The following HLCS variants were observed in gnomAD, a reference collection of about 807,000 sequenced individuals.
HLCS encodes the protein holocarboxylase synthetase, also known as biotin--protein ligase.
In HLCS, 53 loss-of-function variants were observed where a neutral mutation model predicts 75.0. The ratio of observed to expected loss-of-function variants is 0.71; its 90% CI spans 0.57 to 0.89. The LOEUF (loss-of-function observed/expected upper bound fraction) is 0.89. HLCS is among the 40% of genes least tolerant of loss of function. The pLI, the probability that HLCS is intolerant of heterozygous loss-of-function variation, is 0.00. For synonymous variants in HLCS, 431 were observed against 428.6 expected (o/e 1.01, Z -0.07); for missense variants, 966 against 1,074.0 (o/e 0.90, Z 1.41).
At chr21:36,829,690 C>T (rs770673772) in intron 6 of HLCS, among the ~76,000 whole-genome samples, 78 of 152,274 alleles carry the variant, frequency 5.1e-4, no homozygotes, top group Non-Finnish European at 8.5e-4. Flanking sequence ...TGTCTCCTCC[C>T]TCATGTAATT....
intron 6 of HLCS, among the ~76,000 whole-genome samples, chr21:36,865,288 T>G (rs984424757): frequency 2.0e-5 from 3 of 152,122 alleles, no homozygotes; most frequent in Non-Finnish European, 2.9e-5. Flanking sequence ...GGAATGGCTC[T>G]GAGGCAGGTT....
intron 4 of HLCS, among the ~76,000 whole-genome samples, chr21:36,934,944 C>T (rs1398969684): frequency 6.6e-6 from 1 of 152,162 alleles, no homozygotes; most frequent in Non-Finnish European, 1.5e-5. Context: ...TGTGAAGCTG[C>T]ATCATATTGC....
chr21:36,971,004 A>G (rs946458894), upstream of HLCS, among the ~76,000 whole-genome samples: 4 of 133,216 alleles, frequency 3.0e-5, no homozygotes, highest in Middle Eastern at 3.6e-3. Flanking sequence ...AAAAAAAAAA[A>G]AAGAAAGAAA....
rs551471148 is a variant in HLCS at position 36,864,407 on chromosome 21, A to G, written c.1892+32453T>C. 8.4e-4 allele frequency among the ~76,000 whole-genome samples: 128 copies of G among 152,246 alleles called. 1 individual carries two copies. Among genetic ancestry groups the G allele is most frequent in the Non-Finnish European group, 1.5e-3 (103 of 68,016 alleles). ...AAAGACTACGTCTCAAAAAAAAAAAAAAGTACATGAACAAACATTTCCTTT... is the reference window on the plus strand; with the variant it reads ...AAAGACTACGTCTCAAAAAAAAAAAGAAGTACATGAACAAACATTTCCTTT... On this transcript the variant is annotated intron_variant, in intron 6 of 10. Coordinates refer to ENST00000674895, the MANE Select transcript of HLCS (RefSeq NM_001352514.2).
chr21:36,941,426 G>A (rs906561008), intron 2 of HLCS, among the ~76,000 whole-genome samples: 1 of 152,178 alleles, frequency 6.6e-6, no homozygotes, highest in East Asian at 1.9e-4. Flanking sequence ...TGTGAAAACA[G>A]ACTAACACAT....
At chr21:36,947,356 G>A in intron 2 of HLCS, 1 of 985,400 alleles carries the variant, frequency 1.0e-6, no homozygotes, top group Non-Finnish European at 1.2e-6. Flanking sequence ...CGTTTTCTAG[G>A]AGCGTGGTCC....
At chr21:36,918,267 T>C (rs894503887) in intron 5 of HLCS, among the ~76,000 whole-genome samples, 9 of 152,224 alleles carry the variant, frequency 5.9e-5, no homozygotes, top group African/African-American at 2.2e-4. Flanking sequence ...CAACCATTCA[T>C]TCAGAGAACA....
intron 6 of HLCS, among the ~76,000 whole-genome samples, chr21:36,875,803 G>A (rs932138443): frequency 6.6e-5 from 10 of 152,040 alleles, no homozygotes; most frequent in South Asian, 2.1e-4. Context: ...CAGGGGCAAC[G>A]TCCCCCTGCT....
At chr21:36,763,636 A>G (rs1015280924) in intron 8 of HLCS, among the ~76,000 whole-genome samples, 2 of 152,234 alleles carry the variant, frequency 1.3e-5, no homozygotes, top group Admixed American at 1.3e-4. Flanking sequence ...CGCTCTTAAC[A>G]TCTTGCTTCA....
chr21:36,764,911 G>T, intron 8 of HLCS, 101 bp downstream of exon 8: 1 of 1,304,892 alleles, frequency 7.7e-7, no homozygotes, highest in Non-Finnish European at 1.1e-6. Context: ...GGTAGGCTGA[G>T]GTTCTACAGC....
intron 1 of HLCS, among the ~76,000 whole-genome samples, chr21:36,988,411 T>C (rs2146753583): frequency 6.6e-6 from 1 of 152,322 alleles, no homozygotes; most frequent in Non-Finnish European, 1.5e-5. Flanking sequence ...TTTTTATACG[T>C]GCATTGTGTG....
At position 36,756,636 on chromosome 21, in the gene HLCS, T is replaced by C; in HGVS notation, c.2356A>G (p.Arg786Gly). Residue 786 changes from arginine (R) to glycine (G), a missense_variant, in exon 10 of 11, where the codon AGA (arginine) becomes GGA (glycine). Transcript: ENST00000674895. ...AGTTTCTCCAGCACAGTCACGACTC[T>C]GGCGATGAGATAATCGGCTCTTAAG... ...KPLRADYLIA[R>G]VVTVLEKLIK... 1 of 1,614,200 alleles carries C rather than the reference T, an allele frequency of 6.2e-7. No homozygotes were observed. Among genetic ancestry groups the C allele is most frequent in the Non-Finnish European group, 8.5e-7 (1 of 1,180,040 alleles).
chr21:36,792,220 C>A (rs1007517969), intron 6 of HLCS, among the ~76,000 whole-genome samples: 2 of 152,142 alleles, frequency 1.3e-5, no homozygotes, highest in Non-Finnish European at 2.9e-5. Flanking sequence ...ACCCCGCAGG[C>A]TCCCAGCGCT....
intron 6 of HLCS, among the ~76,000 whole-genome samples, chr21:36,829,320 C>A (rs1312056365): frequency 6.6e-6 from 1 of 152,166 alleles, no homozygotes; most frequent in Non-Finnish European, 1.5e-5. Context: ...CCTCTGTCAC[C>A]CTTTACCTTG....
chr21:36,827,797 A>G (rs938185385), intron 6 of HLCS, among the ~76,000 whole-genome samples: 2 of 147,550 alleles, frequency 1.4e-5, no homozygotes, highest in African/African-American at 2.5e-5. Flanking sequence ...AGTGGTAAGT[A>G]TTTTTCTTTT....
chr21:36,919,155 T>C (rs981246192), intron 5 of HLCS, among the ~76,000 whole-genome samples: 4 of 152,144 alleles, frequency 2.6e-5, no homozygotes, highest in Admixed American at 2.6e-4. Flanking sequence ...TAGAAAGAAG[T>C]GAAATAAGAT....
At chr21:36,880,378 AAAAACAAAAC>A (rs1295277169) in intron 6 of HLCS, among the ~76,000 whole-genome samples, 3 of 152,186 alleles carry the variant, frequency 2.0e-5, no homozygotes, top group South Asian at 2.1e-4. Flanking sequence ...AATTGAGCTA[AAAAACAAAAC>A]AAAACAAAAC....
intron 6 of HLCS, among the ~76,000 whole-genome samples, chr21:36,819,299 G>A (rs1216575939): frequency 6.6e-6 from 1 of 152,212 alleles, no homozygotes; most frequent in Non-Finnish European, 1.5e-5. Context: ...GTTCCCCAGA[G>A]GGGTGTGGGC....
At chr21:36,821,521 G>A (rs545789356) in intron 6 of HLCS, among the ~76,000 whole-genome samples, 1 of 152,290 alleles carries the variant, frequency 6.6e-6, no homozygotes, top group South Asian at 2.1e-4. Context: ...TTTATCCTTG[G>A]CCAACTCTGC....
Sources: allele counts gnomAD v4.1 joint callset (sites outside exome capture counted in the v4.1 genomes callset), GRCh38; gene constraint gnomAD v4.1.1; transcripts MANE v1.5; gene names NCBI Gene and HGNC (gene_info 2026-07-23, HGNC 2026-07-21).